ZNF711: variants seen among roughly 807,000 people sequenced by gnomAD.
ZNF711 encodes the protein zinc finger protein 711.
In ZNF711, 3 loss-of-function variants were observed where a neutral mutation model predicts 43.5. The ratio of observed to expected loss-of-function variants is 0.07; its 90% CI spans 0.03 to 0.18. The LOEUF (loss-of-function observed/expected upper bound fraction) is 0.18, where lower values mean the gene tolerates loss of function less well. Among genes scored for constraint, ZNF711 ranks in the 10% least tolerant of loss-of-function variants. ZNF711 has a pLI of 1.00. For synonymous variants in ZNF711, 209 were observed against 207.7 expected, an observed-to-expected ratio of 1.01 and a Z score of -0.06; for missense variants, 412 against 604.0, an observed-to-expected ratio of 0.68 and a Z score of 3.33.
intron 5 of ZNF711, among the ~76,000 whole-genome samples, chrX:85,258,307 T>C (rs1411856962): frequency 1.8e-5 from 2 of 110,798 alleles, no homozygotes; most frequent in Non-Finnish European, 3.8e-5. Context: ...TTTTCTCTCA[T>C]ATATGGGAGC....
chrX:85,267,148 A>C, intron 7 of ZNF711, 130 bp from the exon 8 acceptor site: 1 of 560,098 alleles, frequency 1.8e-6, no homozygotes, highest in Non-Finnish European at 2.5e-6. Context: ...ATATAAATTG[A>C]AATTAAATTT....
rs1350434990 is a variant in ZNF711 at position 85,261,274 on chromosome X, T to G, written c.623-3001T>G. On this transcript the variant is annotated intron_variant, in intron 5 of 10. Transcript: ENST00000674551. ...GGTATTATCACATTTTGTTTATCCA[T>G]TCATCCATCAGTTAATGGACATTTA... Among the ~76,000 whole-genome samples, 2 of 111,809 alleles carry G rather than the reference T, an allele frequency of 1.8e-5. 1 individual carries two copies. The highest frequency in any genetic ancestry group is 3.8e-5 in the Non-Finnish European group (2 of 52,923).
At chrX:85,254,240 C>T (rs1602964173) in intron 4 of ZNF711, among the ~76,000 whole-genome samples, 1 of 110,062 alleles carries the variant, frequency 9.1e-6, no homozygotes, top group African/African-American at 3.3e-5. Flanking sequence ...CGCCAAACTA[C>T]GGGTGGATCA....
chrX:85,262,022 C>A (rs73627345), intron 5 of ZNF711, among the ~76,000 whole-genome samples: 71 of 110,686 alleles, frequency 6.4e-4, no homozygotes, highest in African/African-American at 2.3e-3. Context: ...CTTAAAACTG[C>A]GTGCCAATAT....
chrX:85,267,524 A>G (rs1312996150), intron 8 of ZNF711, 109 bp downstream of exon 8: 5 of 620,280 alleles, frequency 8.1e-6, no homozygotes, highest in East Asian at 4.3e-5. Flanking sequence ...CTAATATAAT[A>G]AAATGTTTTA....
chrX:85,255,427 T>A lies in ZNF711; in HGVS notation c.248T>A (p.Val83Glu). 1 of 1,211,779 alleles carries A rather than the reference T, an allele frequency of 8.3e-7. No homozygotes were observed. Among genetic ancestry groups the A allele is most frequent in the Non-Finnish European group, 1.1e-6 (1 of 895,537 alleles). The change falls in exon 5 of 11, where the codon GTA (valine) becomes GAA (glutamate). Residue 83 changes from valine to glutamate, a missense_variant. Val to Glu is a moderately radical substitution (Grantham distance 121). This residue lies in a region of ZNF711 where 375 missense variants were observed against 514.2 expected (regional missense o/e 0.73). Coordinates refer to ENST00000674551, the MANE Select transcript of ZNF711 (RefSeq NM_001330574.2). ...GPDIITETDV[V>E]TEGVIVPEAV... ...GATATCATCACAGAGACTGATGTAG[T>A]AACAGAAGGTGTGATTGTTCCTGAA...
At position 85,256,997 on chromosome X, in the gene ZNF711, A is replaced by G. The variant is rs377094595; in HGVS notation, c.622+1196A>G. Among the ~76,000 whole-genome samples the G allele has an allele frequency of 1.4e-4, 16 of 111,662 alleles. No homozygotes were observed. The East Asian group carries it at 3.4e-3, about 24-fold the overall frequency. On this transcript the variant is annotated intron_variant, in intron 5 of 10. Coordinates refer to ENST00000674551, the MANE Select transcript of ZNF711 (RefSeq NM_001330574.2). ...AAATTCAGTATGTCTTCAAAAGAGT[A>G]TTCATTAATTTAAACTGATATTAAA...
rs1179484373 is a variant in ZNF711 at position 85,271,642 on chromosome X, A to T, written c.2238A>T (p.Gly746=). Residue 746 remains glycine (G), a synonymous_variant, in exon 11 of 11, where the codon GGA becomes GGT. Transcript: ENST00000674551. ...ELKKHMKTHT[G]RKIYQCEYCE... ...AAAAACATATGAAGACCCATACTGGAAGGAAGATTTACCAATGTGAGTATT... is the reference window on the plus strand; with the variant it reads ...AAAAACATATGAAGACCCATACTGGTAGGAAGATTTACCAATGTGAGTATT... The T allele has an allele frequency of 1.7e-6, 2 of 1,210,371 alleles. No individual in the cohort carries two copies. Among genetic ancestry groups the T allele is most frequent in the Middle Eastern group, 2.3e-4 (1 of 4,337 alleles).
chrX:85,270,514 T>C, intron 10 of ZNF711, 137 bp from the exon 11 acceptor site: 1 of 588,576 alleles, frequency 1.7e-6, no homozygotes, highest in Non-Finnish European at 2.7e-6. Context: ...TTTTATTATG[T>C]ATTTTTTATA....
In ZNF711 at chrX:85,265,151, C is replaced by A; in HGVS notation, c.812C>A (p.Thr271Asn). The A allele has an allele frequency of 3.3e-6, 4 of 1,208,090 alleles. No individual in the cohort carries two copies. Among genetic ancestry groups the A allele is most frequent in the Non-Finnish European group, 2.2e-6 (2 of 893,075 alleles). ...GTEIVTESEYTSGHSVAGVLD... is the reference protein window; with the variant it reads ...GTEIVTESEYNSGHSVAGVLD... Reference sequence around the variant, plus strand: ...GAAATTGTCACAGAGAGTGAGTACACCAGTGGACATTCAGTAGCTGGAGTG... The same window carrying A: ...GAAATTGTCACAGAGAGTGAGTACAACAGTGGACATTCAGTAGCTGGAGTG... The change falls in exon 7 of 11, where the codon ACC becomes AAC. Residue 271 changes from threonine (T) to asparagine (N), a missense_variant. By Grantham distance (65) the Thr-to-Asn change is moderately conservative. This residue lies in a region of ZNF711 where 375 missense variants were observed against 514.2 expected (regional missense o/e 0.73). Transcript: ENST00000674551.
In ZNF711 at chrX:85,260,901, G is replaced by C. The variant is rs760473074; in HGVS notation, c.623-3374G>C. Among the ~76,000 whole-genome samples the C allele has an allele frequency of 2.7e-5, 3 of 111,372 alleles. No individual in the cohort carries two copies. The East Asian group carries it at 8.5e-4, about 31-fold the overall frequency. ...ACTACTAACAGCCTACTGTTGACCA[G>C]AAGTCTTACCAATAACAGTCAATTA... On this transcript the variant is annotated intron_variant, in intron 5 of 10. Transcript: ENST00000674551.
chrX:85,255,407 C>A lies in ZNF711; in HGVS notation c.228C>A (p.Ile76=). The change falls in exon 5 of 11, where the codon ATC becomes ATA. Residue 76 remains isoleucine (I), a synonymous_variant. Transcript: ENST00000674551. ...LAAEVVHGPD[I]ITETDVVTEG... is the part of the protein sequence containing the mutation. ...CTGAAGTTGTCCATGGACCTGATAT[C>A]ATCACAGAGACTGATGTAGTAACAG... The A allele has an allele frequency of 8.3e-7, 1 of 1,211,559 alleles. No homozygotes were observed. The highest frequency in any genetic ancestry group is 1.1e-6 in the Non-Finnish European group (1 of 895,515).
intron 2 of ZNF711, among the ~76,000 whole-genome samples, chrX:85,246,512 C>T (rs888355430): frequency 1.8e-5 from 2 of 111,989 alleles, no homozygotes; most frequent in South Asian, 3.7e-4. Flanking sequence ...AGTTGTATTA[C>T]GTGTCACCTT....
chrX:85,251,720 G>A (rs766047786), intron 4 of ZNF711, among the ~76,000 whole-genome samples: 167 of 110,846 alleles, frequency 1.5e-3, no homozygotes, highest in African/African-American at 5.3e-3. Flanking sequence ...GAGCTACCAC[G>A]TGATAGGCCA....
rs775880979 is a variant in ZNF711, at chrX:85,247,607, C to T, written c.35C>T (p.Thr12Met). ...DSGGGSLGLH[T>M]PDSRMAHTMI... ...GGCGGTGGAAGTCTTGGATTGCACA[C>T]GCCAGACTCTAGAATGGCCCATACC... is the stretch of plus-strand genomic sequence containing the variant. Residue 12 changes from threonine to methionine, a missense_variant, in exon 4 of 11, where the codon ACG becomes ATG. Physicochemically the swap from Thr to Met is moderately conservative, Grantham distance 81. Coordinates refer to ENST00000674551, the MANE Select transcript of ZNF711 (RefSeq NM_001330574.2). 8 of 1,208,968 alleles carry T rather than the reference C, an allele frequency of 6.6e-6. No individual in the cohort carries two copies. The highest frequency in any genetic ancestry group is 1.8e-5 in the South Asian group (1 of 56,689).
chrX:85,262,934 T>G (rs1284165434), intron 5 of ZNF711, among the ~76,000 whole-genome samples: 3 of 110,642 alleles, frequency 2.7e-5, no homozygotes, highest in Middle Eastern at 5.3e-3. Context: ...CTAAAATTGT[T>G]TTTAGGAGTG....
chrX:85,246,567 T>C (rs1441115938), intron 2 of ZNF711, among the ~76,000 whole-genome samples: 1 of 112,288 alleles, frequency 8.9e-6, no homozygotes, highest in African/African-American at 3.2e-5. Flanking sequence ...TTGTGCAATA[T>C]GGTACAATTT....
chrX:85,264,671 G>A (rs1165771316), intron 6 of ZNF711, among the ~76,000 whole-genome samples: 1 of 111,219 alleles, frequency 9.0e-6, no homozygotes, highest in African/African-American at 3.3e-5. Flanking sequence ...TGATTGGAGA[G>A]GATTTGGTTT....
chrX:85,248,594 T>A (rs996860119), intron 4 of ZNF711, among the ~76,000 whole-genome samples: 1 of 110,071 alleles, frequency 9.1e-6, no homozygotes, highest in Non-Finnish European at 1.9e-5. Flanking sequence ...ACAAATAAAC[T>A]GAATTTGGCC....
Sources: gnomAD v4.1 joint callset for allele counts (sites outside exome capture counted in the v4.1 genomes callset) on GRCh38, gnomAD v4.1.1 for gene constraint, gnomAD v4.1.1 regional missense constraint, MANE v1.5 for transcripts, NCBI Gene and HGNC (gene_info 2026-07-23, HGNC 2026-07-21) for gene names.